The following RSRP1 variants were observed in gnomAD, a reference collection of about 807,000 sequenced individuals.
RSRP1 encodes the protein arginine/serine-rich protein 1.
RSRP1 carries 37 observed loss-of-function variants against 33.0 expected under a neutral mutation model. The ratio of observed to expected loss-of-function variants is 1.12; its 90% CI spans 0.86 to 1.48. RSRP1 has a LOEUF of 1.48. Among genes scored for constraint, RSRP1 ranks in the 40% most tolerant of loss-of-function variants. RSRP1 has a pLI of 0.00. For synonymous variants in RSRP1, 167 were observed against 158.7 expected (o/e 1.05, Z -0.40); for missense variants, 402 against 385.3 (o/e 1.04, Z -0.36).
chr1:25,330,207 C>G (rs1644972671), intron 1 of RSRP1: 1 of 132,800 alleles, frequency 7.5e-6, no homozygotes, highest in African/African-American at 2.6e-5. Context: ...CTTTGCCAAA[C>G]AGGATGTGGA....
At chr1:25,333,084 AGGGCAGGAAT>A (rs1315410025) in intron 1 of RSRP1, among the ~76,000 whole-genome samples, 1 of 132,348 alleles carries the variant, frequency 7.6e-6, no homozygotes, top group Non-Finnish European at 1.8e-5. Context: ...CTGAAATCCA[AGGGCAGGAAT>A]GGAAGCGTGT....
chr1:25,318,315 C>CA (rs1391140037), intron 1 of RSRP1: 2 of 132,006 alleles, frequency 1.5e-5, no homozygotes, highest in African/African-American at 5.2e-5. Flanking sequence ...AGGCCAGGTG[C>CA]AGTGGCTCAC....
upstream of RSRP1, among the ~76,000 whole-genome samples, chr1:25,251,873 C>T (rs1639793502): frequency 6.6e-6 from 1 of 151,492 alleles, no homozygotes; most frequent in African/African-American, 2.4e-5. Flanking sequence ...CAAGACATGT[C>T]AAATATACCC....
intron 3 of RSRP1, chr1:25,244,528 A>G (rs564336380): frequency 7.8e-7 from 1 of 1,289,376 alleles, no homozygotes; most frequent in African/African-American, 1.5e-5. Flanking sequence ...CAGATAAACT[A>G]TACTGTATAT....
At chr1:25,256,420 C>T (rs754843421) in intron 1 of RSRP1, among the ~76,000 whole-genome samples, 1 of 152,102 alleles carries the variant, frequency 6.6e-6, no homozygotes, top group Admixed American at 6.5e-5. Context: ...TAAAGCACTG[C>T]GATTACAGGC....
At chr1:25,243,137 C>T (rs1232723989) in intron 4 of RSRP1, among the ~76,000 whole-genome samples, 1 of 151,982 alleles carries the variant, frequency 6.6e-6, no homozygotes, top group East Asian at 1.9e-4. Context: ...ATAGTGTGAA[C>T]CTTAATTGTA....
intron 1 of RSRP1, among the ~76,000 whole-genome samples, chr1:25,256,080 T>A (rs1235706001): frequency 6.6e-6 from 1 of 151,986 alleles, no homozygotes; most frequent in Non-Finnish European, 1.5e-5. Context: ...GTTGTTCCCA[T>A]GTTCAGCAAC....
chr1:25,252,047 C>T (rs28537290), upstream of RSRP1, among the ~76,000 whole-genome samples: 1,138 of 150,572 alleles, frequency 7.6e-3, 17 homozygotes, highest in African/African-American at 0.025. Context: ...CACGCCACCA[C>T]GCCTGGCTAA....
chr1:25,255,356 T>A (rs1477057611), intron 1 of RSRP1, among the ~76,000 whole-genome samples: 1 of 152,190 alleles, frequency 6.6e-6, no homozygotes, highest in East Asian at 1.9e-4. Flanking sequence ...AACCAAATGA[T>A]CACAGGTAAT....
At chr1:25,257,040 A>G (rs570071730) in intron 1 of RSRP1, among the ~76,000 whole-genome samples, 1 of 152,336 alleles carries the variant, frequency 6.6e-6, no homozygotes, top group South Asian at 2.1e-4. Flanking sequence ...TGCTGCTTTA[A>G]GTAGTATTAC....
At chr1:25,307,776 G>C (rs1246379693) in intron 1 of RSRP1, 1 of 1,303,326 alleles carries the variant, frequency 7.7e-7, no homozygotes, top group Non-Finnish European at 1.1e-6. Context: ...CTTCTACAGA[G>C]ACAACCATAG....
At chr1:25,303,530 A>G (rs2124681723) in intron 1 of RSRP1, 1 of 1,298,094 alleles carries the variant, frequency 7.7e-7, no homozygotes, top group East Asian at 2.2e-5. Context: ...CTGATGGGCC[A>G]CTGTGCAGTG....
chr1:25,259,832 C>T (rs613829), intron 1 of RSRP1, among the ~76,000 whole-genome samples: 4,809 of 151,986 alleles, frequency 0.032, 260 homozygotes, highest in African/African-American at 0.11. Flanking sequence ...TACCATTTGG[C>T]GTTTTGAAGA....
intron 1 of RSRP1, among the ~76,000 whole-genome samples, chr1:25,263,774 T>C (rs1640231644): frequency 6.6e-6 from 1 of 152,092 alleles, no homozygotes; most frequent in South Asian, 2.1e-4. Flanking sequence ...CACAGTCTAA[T>C]GTCTCATCTG....
At position 25,300,677 on chromosome 1, in the gene RSRP1, C is replaced by T. The variant is rs1488087837; in HGVS notation, c.-67+37301G>A. ...ATACAAAATTAGCCCAGCGTAGTGG[C>T]GCATGCCTGTAATCCCAGCTACTAG... is the stretch of plus-strand genomic sequence containing the variant. On this transcript the variant is annotated intron_variant, in intron 1 of 1. Coordinates refer to the RSRP1 transcript ENST00000561867. Among the ~76,000 whole-genome samples, 8 of 131,210 alleles carry T rather than the reference C, an allele frequency of 6.1e-5. 3 individuals carry two copies. Among genetic ancestry groups the T allele is most frequent in the Admixed American group, 1.5e-4 (2 of 13,592 alleles). 86.1% of individuals were successfully genotyped at this position (131,210 alleles called of 152,430 possible).
Position 25,289,487 on chromosome 1 carries a change from A to G in RSRP1, c.-66-42458T>C, listed in dbSNP as rs143849388. On this transcript the variant is annotated intron_variant, in intron 1 of 1. Coordinates refer to the RSRP1 transcript ENST00000561867. ...TGGGAGTACAGGCATGAGCCACTGC[A>G]CCCAGCCTTATAGGGTTAAAATTTA... 9.3e-3 allele frequency among the ~76,000 whole-genome samples: 1,235 copies of G among 132,258 alleles called. 112 individuals are homozygous for G. Among genetic ancestry groups the G allele is most frequent in the African/African-American group, 0.026 (1,025 of 38,756 alleles). The allele number at this position is 132,258 out of a possible 152,430, so 86.8% of individuals were successfully genotyped here.
chr1:25,252,830 T>G (rs1237558634), intron 1 of RSRP1, among the ~76,000 whole-genome samples: 2 of 150,974 alleles, frequency 1.3e-5, no homozygotes, highest in Non-Finnish European at 3.0e-5. Flanking sequence ...CCATCGCACC[T>G]GGCCTGACCT....
At chr1:25,281,186 C>T (rs1276123213) in intron 1 of RSRP1, among the ~76,000 whole-genome samples, 1 of 132,064 alleles carries the variant, frequency 7.6e-6, no homozygotes, top group African/African-American at 2.6e-5. Context: ...CAGAGCTGGG[C>T]TCTGCTGCCG....
At chr1:25,303,598 G>T in intron 1 of RSRP1, 1 of 943,004 alleles carries the variant, frequency 1.1e-6, no homozygotes, top group Non-Finnish European at 1.6e-6. Flanking sequence ...CGCCTAGTGA[G>T]GGATCCATCC....
Sources: gnomAD v4.1 joint callset for allele counts (sites outside exome capture counted in the v4.1 genomes callset) on GRCh38, gnomAD v4.1.1 for gene constraint, MANE v1.5 for transcripts, NCBI Gene and HGNC (gene_info 2026-07-23, HGNC 2026-07-21) for gene names.